Variants in OTUD7B observed in about 807,000 individuals in gnomAD.
OTUD7B encodes the protein OTU domain-containing protein 7B.
Under a neutral mutation model 82.2 loss-of-function variants are expected in OTUD7B, and 34 were observed. The observed-to-expected ratio is 0.41, with a 90% confidence interval of 0.31 to 0.55. The LOEUF (loss-of-function observed/expected upper bound fraction) is 0.55. OTUD7B is among the 20% of genes least tolerant of loss of function. The pLI is 0.20. For synonymous variants in OTUD7B, 398 were observed against 402.7 expected (o/e 0.99, Z 0.14); for missense variants, 944 against 1,062.1 (o/e 0.89, Z 1.55).
the OTUD7B span, chr1:150,054,074 A>G: frequency 2.6e-6 from 1 of 387,750 alleles, no homozygotes; most frequent in South Asian, 2.9e-5. Context: ...CACGTGCAAG[A>G]GGAAGTACTC....
chr1:149,993,521 G>C (rs1651737289), intron 1 of OTUD7B, among the ~76,000 whole-genome samples: 1 of 152,170 alleles, frequency 6.6e-6, no homozygotes, highest in South Asian at 2.1e-4. Context: ...AAAAGATGAA[G>C]AGGAAATTTT....
intron 4 of OTUD7B, among the ~76,000 whole-genome samples, chr1:149,966,176 G>T (rs782543366): frequency 2.0e-4 from 30 of 152,182 alleles, no homozygotes; most frequent in Non-Finnish European, 3.8e-4. Context: ...ATGGGTAGAG[G>T]CCAGGGATGC....
intron 2 of OTUD7B, among the ~76,000 whole-genome samples, chr1:149,972,164 C>A (rs1331772332): frequency 7.2e-5 from 11 of 152,138 alleles, no homozygotes; most frequent in African/African-American, 2.7e-4. Flanking sequence ...ATTTCCTTAT[C>A]CGTGAAAATG....
intron 2 of OTUD7B, among the ~76,000 whole-genome samples, chr1:149,976,782 C>G (rs148282038): frequency 1.3e-5 from 2 of 151,894 alleles, no homozygotes; most frequent in Admixed American, 6.6e-5. Context: ...ATCATGAAAA[C>G]CCTAAAGTCA....
intron 6 of OTUD7B, among the ~76,000 whole-genome samples, chr1:149,960,389 CTTTTTTTCTTTTT>C (rs1649064204): frequency 2.4e-4 from 1 of 4,122 alleles, no homozygotes; most frequent in Non-Finnish European, 7.8e-4. Flanking sequence ...CTTTTCTTTC[CTTTTTTTCTTTTT>C]TTTTTTTTTG....
Position 149,942,383 on chromosome 1 carries a change from T to C in OTUD7B, c.*1474A>G, listed in dbSNP as rs1293147578. 1 of 152,558 alleles carries C rather than the reference T, an allele frequency of 6.6e-6. No homozygotes were observed. Among genetic ancestry groups the C allele is most frequent in the African/African-American group, 2.4e-5 (1 of 41,412 alleles). 9.5% of individuals were successfully genotyped at this position (152,558 alleles called of 1,614,324 possible). A position where few individuals can be genotyped will look rare whatever the true frequency, so the allele number is the denominator to read the frequency against. On this transcript the variant is annotated 3_prime_UTR_variant, in exon 12 of 12. Coordinates refer to ENST00000581312, the MANE Select transcript of OTUD7B (RefSeq NM_020205.4). ...TCTTCCGGTTTAAAGCTCTTAGAAA[T>C]GGCTCTGGCCAGAGCATAGGCTGTT...
chr1:150,054,486 C>A, the OTUD7B span: 3 of 501,036 alleles, frequency 6.0e-6, no homozygotes, highest in Middle Eastern at 4.5e-4. Flanking sequence ...GTAAAAATCC[C>A]AAAACATCTT....
At chr1:150,006,556 A>G (rs587714519) in intron 1 of OTUD7B, among the ~76,000 whole-genome samples, 1 of 151,560 alleles carries the variant, frequency 6.6e-6, no homozygotes, top group Admixed American at 6.5e-5. Flanking sequence ...TAGAGGAAAT[A>G]AAGGGATAAG....
intron 1 of OTUD7B, among the ~76,000 whole-genome samples, chr1:149,984,117 G>A (rs1473165005): frequency 6.6e-6 from 1 of 152,012 alleles, no homozygotes; most frequent in Non-Finnish European, 1.5e-5. Flanking sequence ...TGCTATCTTT[G>A]CTTTAGTACC....
At chr1:150,027,420 T>C in the OTUD7B span, among the ~76,000 whole-genome samples, 2 of 152,226 alleles carry the variant, frequency 1.3e-5, no homozygotes, top group African/African-American at 4.8e-5. Context: ...ATCCCGTCTC[T>C]ACTAAAACTA....
intron 7 of OTUD7B, among the ~76,000 whole-genome samples, chr1:149,956,721 ATTTG>A (rs1294276985): frequency 2.1e-5 from 3 of 143,406 alleles, no homozygotes; most frequent in Non-Finnish European, 4.6e-5. Context: ...TTCTTTGAGG[ATTTG>A]TTTGTTTCTT....
intron 7 of OTUD7B, among the ~76,000 whole-genome samples, chr1:149,957,269 C>G (rs587668181): frequency 4.0e-5 from 6 of 151,700 alleles, no homozygotes; most frequent in African/African-American, 1.5e-4. Context: ...GGACCCTCAG[C>G]TGCAGGTCTG....
At chr1:150,006,109 T>C (rs988572607) in intron 1 of OTUD7B, among the ~76,000 whole-genome samples, 1 of 152,176 alleles carries the variant, frequency 6.6e-6, no homozygotes, top group Admixed American at 6.5e-5. Flanking sequence ...GAAATGCAAA[T>C]TTATTTCAAT....
At chr1:149,960,157 T>C (rs1649035683) in intron 6 of OTUD7B, among the ~76,000 whole-genome samples, 1 of 152,084 alleles carries the variant, frequency 6.6e-6, no homozygotes, top group Non-Finnish European at 1.5e-5. Flanking sequence ...AGCCTTCACA[T>C]GGGTTATTTT....
At chr1:150,026,810 A>G in the OTUD7B span, among the ~76,000 whole-genome samples, 1 of 152,198 alleles carries the variant, frequency 6.6e-6, no homozygotes, top group Non-Finnish European at 1.5e-5. Context: ...TCATCCATAA[A>G]AATAAATCCA....
the OTUD7B span, among the ~76,000 whole-genome samples, chr1:150,055,322 G>C: frequency 6.6e-6 from 1 of 152,150 alleles, no homozygotes; most frequent in Non-Finnish European, 1.5e-5. Flanking sequence ...ACAGGCGTGA[G>C]CCACTGCGCC....
intron 2 of OTUD7B, among the ~76,000 whole-genome samples, chr1:149,974,421 ACTCCCCTGATTAAAAT>A (rs1324129611): frequency 1.3e-5 from 2 of 150,860 alleles, no homozygotes; most frequent in Non-Finnish European, 2.9e-5. Flanking sequence ...CAATCATGTC[ACTCCCCTGATTAAAAT>A]CCTTCACCAG....
At chr1:150,031,271 C>T in the OTUD7B span, among the ~76,000 whole-genome samples, 2 of 152,210 alleles carry the variant, frequency 1.3e-5, no homozygotes, top group Non-Finnish European at 2.9e-5. Flanking sequence ...CTGGTGACAA[C>T]TACCTGCATT....
the OTUD7B span, among the ~76,000 whole-genome samples, chr1:150,057,746 T>C: frequency 6.6e-6 from 1 of 152,226 alleles, no homozygotes; most frequent in Admixed American, 6.5e-5. Context: ...TAAAACATTA[T>C]ATACAGTGAA....
Sources: gnomAD v4.1 joint callset for allele counts (sites outside exome capture counted in the v4.1 genomes callset) on GRCh38, gnomAD v4.1.1 for gene constraint, MANE v1.5 for transcripts, NCBI Gene and HGNC (gene_info 2026-07-23, HGNC 2026-07-21) for gene names.